SRPK2: variants seen among roughly 807,000 people sequenced by gnomAD.
The protein encoded by SRPK2 is SRSF protein kinase 2.
In SRPK2, 21 loss-of-function variants were observed where a neutral mutation model predicts 90.8. That is an observed-to-expected ratio of 0.23 (90% CI 0.16 to 0.33). The LOEUF (loss-of-function observed/expected upper bound fraction) is 0.33. Ranked by LOEUF, SRPK2 falls within the 10% of genes least tolerant of loss-of-function variation. The pLI, the probability that SRPK2 is intolerant of heterozygous loss-of-function variation, is 1.00. For synonymous variants in SRPK2, 288 were observed against 311.1 expected, an observed-to-expected ratio of 0.93 and a Z score of 0.78; for missense variants, 620 against 869.0, an observed-to-expected ratio of 0.71 and a Z score of 3.60.
intron 2 of SRPK2, among the ~76,000 whole-genome samples, chr7:105,289,843 T>G (rs538309906): frequency 6.6e-6 from 1 of 152,116 alleles, no homozygotes; most frequent in Non-Finnish European, 1.5e-5. Flanking sequence ...GCTTAATCAT[T>G]TCTTACTTTT....
intron 3 of SRPK2, chr7:105,189,577 G>C (rs1427408671): frequency 6.6e-6 from 1 of 152,454 alleles, no homozygotes; most frequent in Non-Finnish European, 1.5e-5. Context: ...TTCTAGACCA[G>C]CCTGGCCAAA....
At chr7:105,263,401 T>C (rs1172449579) in intron 2 of SRPK2, among the ~76,000 whole-genome samples, 1 of 151,916 alleles carries the variant, frequency 6.6e-6, no homozygotes, top group Non-Finnish European at 1.5e-5. Context: ...CAAATGCTCA[T>C]TAATAGAATG....
upstream of SRPK2, chr7:105,388,986 C>CG: frequency 9.6e-7 from 1 of 1,045,690 alleles, no homozygotes; most frequent in Non-Finnish European, 1.1e-6. Flanking sequence ...CCGGCCCCGC[C>CG]CCCGCCCCGC....
intron 2 of SRPK2, among the ~76,000 whole-genome samples, chr7:105,217,263 T>A (rs1278713069): frequency 6.6e-6 from 1 of 152,108 alleles, no homozygotes; most frequent in East Asian, 1.9e-4. Flanking sequence ...CAGTTAATTA[T>A]CACATACTTC....
At chr7:105,368,343 T>C (rs1185224242) in intron 2 of SRPK2, among the ~76,000 whole-genome samples, 1 of 152,200 alleles carries the variant, frequency 6.6e-6, no homozygotes, top group Non-Finnish European at 1.5e-5. Flanking sequence ...TGTGACCTGT[T>C]AAGGGTCTCT....
At chr7:105,243,823 C>G (rs1287734370) in intron 2 of SRPK2, among the ~76,000 whole-genome samples, 1 of 152,090 alleles carries the variant, frequency 6.6e-6, no homozygotes, top group Non-Finnish European at 1.5e-5. Context: ...CAGCAGATTA[C>G]CTAAATTCAC....
chr7:105,265,248 CA>C (rs1341801393), intron 2 of SRPK2, among the ~76,000 whole-genome samples: 1 of 151,844 alleles, frequency 6.6e-6, no homozygotes, highest in African/African-American at 2.4e-5. Context: ...GGATATAAAA[CA>C]ATAAAAAATA....
At chr7:105,383,816 G>A (rs1477826609) in intron 2 of SRPK2, among the ~76,000 whole-genome samples, 2 of 152,182 alleles carry the variant, frequency 1.3e-5, no homozygotes, top group Non-Finnish European at 2.9e-5. Flanking sequence ...ACTAATACGT[G>A]CCATAACATG....
chr7:105,169,103 A>G, intron 4 of SRPK2, 54 bp downstream of exon 4: 1 of 1,480,636 alleles, frequency 6.8e-7, no homozygotes, highest in Non-Finnish European at 9.4e-7. Flanking sequence ...TTCTTAGAAC[A>G]CAGATGTTGA....
intron 11 of SRPK2, among the ~76,000 whole-genome samples, chr7:105,138,926 A>G (rs908209519): frequency 1.3e-5 from 2 of 152,250 alleles, no homozygotes; most frequent in Admixed American, 1.3e-4. Context: ...AAGTATCCTA[A>G]TATGTGTAGC....
chr7:105,297,499 A>C, intron 2 of SRPK2: 1 of 985,336 alleles, frequency 1.0e-6, no homozygotes, highest in Non-Finnish European at 1.2e-6. Context: ...CAGATGTATC[A>C]ACATCCTACA....
chr7:105,249,037 G>T (rs1802123958), intron 2 of SRPK2, among the ~76,000 whole-genome samples: 1 of 152,130 alleles, frequency 6.6e-6, no homozygotes, highest in Admixed American at 6.6e-5. Flanking sequence ...TCTATTTGAT[G>T]ACCAAGGACA....
At chr7:105,308,841 A>C (rs1047202023) in intron 2 of SRPK2, among the ~76,000 whole-genome samples, 1 of 152,198 alleles carries the variant, frequency 6.6e-6, no homozygotes, top group Non-Finnish European at 1.5e-5. Flanking sequence ...CACGAAAACT[A>C]AACAGGATTT....
At chr7:105,301,081 G>C (rs959959926) in intron 2 of SRPK2, among the ~76,000 whole-genome samples, 4 of 152,108 alleles carry the variant, frequency 2.6e-5, no homozygotes, top group Non-Finnish European at 4.4e-5. Flanking sequence ...TGTTTATTGC[G>C]GCATTATTCA....
intron 2 of SRPK2, among the ~76,000 whole-genome samples, chr7:105,369,668 C>T (rs1819487112): frequency 6.6e-6 from 1 of 151,928 alleles, no homozygotes; most frequent in South Asian, 2.1e-4. Flanking sequence ...ATGCCCAATC[C>T]CCCCAAAAAA....
At chr7:105,326,377 A>G (rs1200912361) in intron 2 of SRPK2, among the ~76,000 whole-genome samples, 1 of 152,218 alleles carries the variant, frequency 6.6e-6, no homozygotes, top group Non-Finnish European at 1.5e-5. Context: ...ACTTTTTCAT[A>G]CTGCTTTGAA....
intron 2 of SRPK2, among the ~76,000 whole-genome samples, chr7:105,282,930 A>G (rs1018603582): frequency 6.6e-6 from 1 of 152,042 alleles, no homozygotes; most frequent in African/African-American, 2.4e-5. Flanking sequence ...TATATAAAGA[A>G]CTCTTAACAA....
At chr7:105,319,161 G>A (rs1246285606) in intron 2 of SRPK2, among the ~76,000 whole-genome samples, 1 of 152,118 alleles carries the variant, frequency 6.6e-6, no homozygotes, top group African/African-American at 2.4e-5. Context: ...TATGTTCACA[G>A]ATCTAATTTC....
At chr7:105,163,803 T>C (rs1328762129) in intron 6 of SRPK2, among the ~76,000 whole-genome samples, 1 of 151,710 alleles carries the variant, frequency 6.6e-6, no homozygotes, top group African/African-American at 2.4e-5. Context: ...AAGAGCAAAA[T>C]TCCATCTCAA....
Sources: gnomAD v4.1 joint callset for allele counts (sites outside exome capture counted in the v4.1 genomes callset) on GRCh38, gnomAD v4.1.1 for gene constraint, MANE v1.5 for transcripts, NCBI Gene and HGNC (gene_info 2026-07-23, HGNC 2026-07-21) for gene names.